Variants in FAM135B observed in about 807,000 individuals in gnomAD.
FAM135B encodes the protein family with sequence similarity 135 member B, also known as protein FAM135B.
In FAM135B, 43 loss-of-function variants were observed where a neutral mutation model predicts 127.7. That is an observed-to-expected ratio of 0.34 (90% CI 0.26 to 0.43). The LOEUF is 0.43. Among genes scored for constraint, FAM135B ranks in the 20% least tolerant of loss-of-function variants. The probability of loss-of-function intolerance (pLI) is 1.00; values close to 1 mark genes in which losing one functional copy is unlikely to be tolerated. For synonymous variants in FAM135B, 670 were observed against 665.1 expected, an observed-to-expected ratio of 1.01 and a Z score of -0.11; for missense variants, 1,558 against 1,725.6, an observed-to-expected ratio of 0.90 and a Z score of 1.72.
At chr8:138,144,463 T>C (rs1048755484) in intron 15 of FAM135B, 9 of 152,078 alleles carry the variant, frequency 5.9e-5, no homozygotes, top group African/African-American at 2.2e-4. Flanking sequence ...TGCTTTTTTT[T>C]CTCTAACTTT....
chr8:138,414,087 T>C (rs548538448), intron 1 of FAM135B, among the ~76,000 whole-genome samples: 62 of 136,066 alleles, frequency 4.6e-4, no homozygotes, highest in African/African-American at 1.5e-3. Context: ...ATAAATACAA[T>C]ATGCTTAAGT....
intron 7 of FAM135B, among the ~76,000 whole-genome samples, chr8:138,202,403 T>C (rs1817211194): frequency 6.6e-6 from 1 of 152,110 alleles, no homozygotes; most frequent in African/African-American, 2.4e-5. Context: ...GCATGCACCA[T>C]CACACTTGGC....
intron 1 of FAM135B, among the ~76,000 whole-genome samples, chr8:138,448,130 A>G (rs1836300041): frequency 6.6e-6 from 1 of 151,930 alleles, no homozygotes; most frequent in Non-Finnish European, 1.5e-5. Flanking sequence ...AAAAAAGAAA[A>G]AGTACTTGGG....
At chr8:138,339,066 C>T (rs1367829324) in intron 2 of FAM135B, among the ~76,000 whole-genome samples, 1 of 143,978 alleles carries the variant, frequency 6.9e-6, no homozygotes, top group Admixed American at 7.4e-5. Context: ...ACAATGAGAA[C>T]ACTTGGACAC....
chr8:138,364,569 G>A (rs9324487), intron 2 of FAM135B, among the ~76,000 whole-genome samples: 11,559 of 152,142 alleles, frequency 0.076, 867 homozygotes, highest in East Asian at 0.27. Flanking sequence ...CCTTAAAACC[G>A]TGAAATGCTA....
At chr8:138,349,507 T>C (rs766657839) in intron 2 of FAM135B, among the ~76,000 whole-genome samples, 7 of 152,246 alleles carry the variant, frequency 4.6e-5, no homozygotes, top group Non-Finnish European at 8.8e-5. Flanking sequence ...CCCTAGGATA[T>C]AGCAGGATAT....
chr8:138,163,260 AGACAATCT>A (rs1563713705), intron 12 of FAM135B, among the ~76,000 whole-genome samples: 1 of 152,210 alleles, frequency 6.6e-6, no homozygotes. Flanking sequence ...ACTCAAAACC[AGACAATCT>A]GACAATCTGG....
intron 3 of FAM135B, among the ~76,000 whole-genome samples, chr8:138,302,711 C>G (rs527344992): frequency 6.6e-6 from 1 of 152,230 alleles, no homozygotes; most frequent in South Asian, 2.1e-4. Flanking sequence ...GGGGCCTCCC[C>G]CCTCCCAAGC....
chr8:138,162,085 A>G (rs1015602676), intron 12 of FAM135B, among the ~76,000 whole-genome samples: 1 of 152,232 alleles, frequency 6.6e-6, no homozygotes, highest in African/African-American at 2.4e-5. Context: ...GACATATTCT[A>G]TGTGAAAAAT....
intron 7 of FAM135B, among the ~76,000 whole-genome samples, chr8:138,198,113 G>A (rs908597470): frequency 3.3e-5 from 5 of 152,146 alleles, no homozygotes; most frequent in South Asian, 4.1e-4. Flanking sequence ...CCCAGTGGGA[G>A]GTAATTGAAT....
At chr8:138,370,130 C>G (rs1019033239) in intron 1 of FAM135B, among the ~76,000 whole-genome samples, 4 of 152,202 alleles carry the variant, frequency 2.6e-5, no homozygotes, top group African/African-American at 9.6e-5. Context: ...GAGTGCCTAT[C>G]CAGGAGCCTG....
intron 1 of FAM135B, among the ~76,000 whole-genome samples, chr8:138,432,656 C>G (rs1375232813): frequency 6.6e-6 from 1 of 152,026 alleles, no homozygotes; most frequent in African/African-American, 2.4e-5. Context: ...TCATCACTAA[C>G]AGAAGAGGGC....
chr8:138,281,236 A>C (rs1051351897), intron 3 of FAM135B, among the ~76,000 whole-genome samples: 1 of 152,132 alleles, frequency 6.6e-6, no homozygotes, highest in Non-Finnish European at 1.5e-5. Flanking sequence ...TACATATCCA[A>C]CATTTCCTCC....
At chr8:138,269,624 G>A (rs1353834890) in intron 3 of FAM135B, among the ~76,000 whole-genome samples, 2 of 152,142 alleles carry the variant, frequency 1.3e-5, no homozygotes, top group Non-Finnish European at 2.9e-5. Flanking sequence ...TCACAATGTT[G>A]GTTTTCATAT....
chr8:138,249,646 T>C (rs997464401), intron 6 of FAM135B, among the ~76,000 whole-genome samples: 7 of 151,962 alleles, frequency 4.6e-5, no homozygotes, highest in East Asian at 1.9e-4. Context: ...ATGGGTCAGA[T>C]TGGGTAACTA....
chr8:138,148,379 T>A, intron 14 of FAM135B, 141 bp downstream of exon 14: 1 of 697,278 alleles, frequency 1.4e-6, no homozygotes, highest in Non-Finnish European at 2.3e-6. Context: ...TACCATTTCC[T>A]TAGATTCATC....
chr8:138,382,656 T>G (rs2131292203), intron 1 of FAM135B, among the ~76,000 whole-genome samples: 1 of 152,222 alleles, frequency 6.6e-6, no homozygotes, highest in Middle Eastern at 3.4e-3. Flanking sequence ...ACCAAAGAAT[T>G]TATACATAAA....
intron 1 of FAM135B, among the ~76,000 whole-genome samples, chr8:138,414,857 G>A (rs1834055166): frequency 6.6e-6 from 1 of 152,114 alleles, no homozygotes; most frequent in Non-Finnish European, 1.5e-5. Flanking sequence ...TGACATGGAG[G>A]AATCTCTGTG....
intron 2 of FAM135B, among the ~76,000 whole-genome samples, chr8:138,331,492 G>C (rs1002686262): frequency 6.6e-6 from 1 of 152,152 alleles, no homozygotes; most frequent in African/African-American, 2.4e-5. Context: ...GTCCAGAGAA[G>C]TTGACTGACT....
Sources: gnomAD v4.1 joint callset for allele counts (sites outside exome capture counted in the v4.1 genomes callset) on GRCh38, gnomAD v4.1.1 for gene constraint, MANE v1.5 for transcripts, NCBI Gene and HGNC (gene_info 2026-07-23, HGNC 2026-07-21) for gene names.